Variants in ENAH observed in about 807,000 individuals in gnomAD.
ENAH encodes the protein ENAH actin regulator.
A neutral mutation model predicts 78.7 loss-of-function variants in ENAH; 23 were observed. The observed-to-expected ratio is 0.29, with a 90% CI of 0.21 to 0.41. The LOEUF is 0.41. ENAH is among the 10% of genes least tolerant of loss of function. The probability of loss-of-function intolerance (pLI) is 1.00; values close to 1 mark genes in which losing one functional copy is unlikely to be tolerated. For synonymous variants in ENAH, 226 were observed against 241.0 expected, an observed-to-expected ratio of 0.94 and a Z score of 0.58; for missense variants, 544 against 691.0, an observed-to-expected ratio of 0.79 and a Z score of 2.39.
intron 1 of ENAH, among the ~76,000 whole-genome samples, chr1:225,597,751 G>A (rs1194761673): frequency 6.6e-6 from 1 of 151,076 alleles, no homozygotes; most frequent in Non-Finnish European, 1.5e-5. Context: ...ACAAAAAAGA[G>A]TATTTTTCTT....
intron 1 of ENAH, among the ~76,000 whole-genome samples, chr1:225,636,624 G>A (rs1486023959): frequency 2.0e-5 from 3 of 152,138 alleles, no homozygotes; most frequent in Non-Finnish European, 4.4e-5. Context: ...TGGGAGGATC[G>A]TTAGAAGCCA....
chr1:225,512,876 G>A lies in ENAH; in HGVS notation c.1359C>T (p.Ala453=), dbSNP rs2096388218. Residue 453 remains alanine, a synonymous_variant, in exon 8 of 14, where the codon GCC becomes GCT. Transcript: ENST00000366843. ...ATTATAATGAAATTCCTTACCTCCT[G>A]GCCAGCAGGGCACTCATTTCTTCCA... ...GLMEEMSALL[A]RRRRIAEKGS... is the part of the protein sequence containing the mutation. 1 of 1,613,272 alleles carries A rather than the reference G, an allele frequency of 6.2e-7. No homozygotes were observed.
At chr1:225,531,567 C>T (rs1472718139) in intron 3 of ENAH, among the ~76,000 whole-genome samples, 5 of 152,068 alleles carry the variant, frequency 3.3e-5, no homozygotes, top group Non-Finnish European at 5.9e-5. Flanking sequence ...ATCTTCCACT[C>T]TTGGAGAAGA....
intron 1 of ENAH, among the ~76,000 whole-genome samples, chr1:225,579,664 C>T (rs939957656): frequency 1.4e-4 from 22 of 152,188 alleles, no homozygotes; most frequent in African/African-American, 4.8e-4. Context: ...TTTATTTAAA[C>T]TACTCCAACT....
In ENAH at chr1:225,537,822, C is replaced by G. The variant is rs555720639; in HGVS notation, c.350-7184G>C. Among the ~76,000 whole-genome samples, 3 of 151,622 alleles carry G rather than the reference C, an allele frequency of 2.0e-5. No individual in the cohort carries two copies. In the South Asian group the frequency reaches 6.3e-4, roughly 32 times the overall value. On this transcript the variant is annotated intron_variant, in intron 3 of 13. Coordinates refer to ENST00000366843, the MANE Select transcript of ENAH (RefSeq NM_018212.6). ...GCCTTTAACATACTTTACCATTAGGCGTTTTGTACAAGCAGGGAAATGTAG... is the reference window on the plus strand; with the variant it reads ...GCCTTTAACATACTTTACCATTAGGGGTTTTGTACAAGCAGGGAAATGTAG...
At chr1:225,556,748 G>A (rs1295766767) in intron 2 of ENAH, among the ~76,000 whole-genome samples, 1 of 152,022 alleles carries the variant, frequency 6.6e-6, no homozygotes, top group Non-Finnish European at 1.5e-5. Flanking sequence ...TTTAACAAAT[G>A]TTTCTCAATC....
chr1:225,531,858 TACTA>T (rs1481998295), intron 3 of ENAH, among the ~76,000 whole-genome samples: 2 of 152,092 alleles, frequency 1.3e-5, no homozygotes, highest in East Asian at 1.9e-4. Flanking sequence ...TGAACTTACC[TACTA>T]ACTTTTTTTC....
intron 1 of ENAH, among the ~76,000 whole-genome samples, chr1:225,634,011 T>C (rs1401149057): frequency 6.6e-6 from 1 of 152,238 alleles, no homozygotes; most frequent in African/African-American, 2.4e-5. Context: ...AACAATGAAG[T>C]ACCTCAACTT....
intron 11 of ENAH, among the ~76,000 whole-genome samples, chr1:225,506,146 G>A (rs1436762754): frequency 2.0e-5 from 3 of 152,094 alleles, no homozygotes; most frequent in East Asian, 1.9e-4. Flanking sequence ...TGCCATCAAC[G>A]TAGGCTTAGC....
chr1:225,517,315 G>A lies in ENAH; in HGVS notation c.803-9C>T. 1 of 1,551,768 alleles carries A rather than the reference G, an allele frequency of 6.4e-7. No homozygotes were observed. Among genetic ancestry groups the A allele is most frequent in the Non-Finnish European group, 8.7e-7 (1 of 1,147,024 alleles). On this transcript the variant is annotated splice_polypyrimidine_tract_variant and intron_variant, in intron 5 of 13. Coordinates refer to ENST00000366843, the MANE Select transcript of ENAH (RefSeq NM_018212.6). Reference sequence around the variant, plus strand: ...AACAGAGGCAGGGGCAGCTGCAGAGGGAGAAGGGAGAACACTAGGCTTGGA... The same window carrying A: ...AACAGAGGCAGGGGCAGCTGCAGAGAGAGAAGGGAGAACACTAGGCTTGGA...
intron 4 of ENAH, among the ~76,000 whole-genome samples, chr1:225,521,119 A>G (rs958473872): frequency 6.6e-6 from 1 of 152,138 alleles, no homozygotes. Context: ...CCATGAGTGC[A>G]TAATAATATT....
intron 1 of ENAH, among the ~76,000 whole-genome samples, chr1:225,578,324 A>T (rs1051245430): frequency 2.6e-5 from 4 of 152,042 alleles, no homozygotes; most frequent in African/African-American, 7.2e-5. Flanking sequence ...AAATAAAATA[A>T]ATTAGCCAGG....
chr1:225,517,422 T>A (rs2096429634), intron 5 of ENAH, 116 bp from the exon 6 acceptor site: 1 of 1,551,590 alleles, frequency 6.4e-7, no homozygotes, highest in Admixed American at 2.0e-5. Flanking sequence ...GGGAAGGCAG[T>A]GGAGGCGGCG....
At chr1:225,528,634 GT>G (rs1460192341) in intron 4 of ENAH, among the ~76,000 whole-genome samples, 1 of 152,096 alleles carries the variant, frequency 6.6e-6, no homozygotes, top group Admixed American at 6.5e-5. Flanking sequence ...CCATGACCAA[GT>G]AGAAAACTGA....
chr1:225,563,036 C>CTAATAAGGATAAATTTA (rs1264826880), intron 2 of ENAH, among the ~76,000 whole-genome samples: 5 of 151,038 alleles, frequency 3.3e-5, no homozygotes, highest in Admixed American at 3.3e-4. Flanking sequence ...TAGATTTATT[C>CTAATAAGGATAAATTTA]TTAGGGATGG....
chr1:225,546,958 A>G (rs576920524), intron 3 of ENAH, among the ~76,000 whole-genome samples: 2 of 152,326 alleles, frequency 1.3e-5, no homozygotes, highest in East Asian at 1.9e-4. Flanking sequence ...TGTTTCTCCC[A>G]AAGTACTGAT....
At chr1:225,524,162 T>C (rs1310215170) in intron 4 of ENAH, among the ~76,000 whole-genome samples, 1 of 152,192 alleles carries the variant, frequency 6.6e-6, no homozygotes, top group Non-Finnish European at 1.5e-5. Flanking sequence ...CCAAAACAGC[T>C]ATCCCCAAAT....
intron 1 of ENAH, among the ~76,000 whole-genome samples, chr1:225,572,236 C>T (rs146717197): frequency 5.3e-5 from 8 of 152,258 alleles, no homozygotes; most frequent in African/African-American, 1.7e-4. Flanking sequence ...CACATACTAA[C>T]TCCGATTACA....
rs33964064 is a variant in ENAH at position 225,495,456 on chromosome 1, GTTTTTTTTTTT to G, written c.*2308_*2318del. ...GGAAATATAGCATGATTCAACACTG[GTTTTTTTTTTT>G]TTTTTTTTTTGTCAGTTTACACATA... On this transcript the variant is annotated 3_prime_UTR_variant, in exon 14 of 14. Coordinates refer to ENST00000366843, the MANE Select transcript of ENAH (RefSeq NM_018212.6). 8.1e-5 allele frequency: 9 copies of G among 110,762 alleles called. No homozygotes were observed. Among genetic ancestry groups the G allele is most frequent in the African/African-American group, 2.8e-4 (8 of 28,482 alleles). The allele number at this position is 110,762 out of a possible 1,614,324, so 6.9% of individuals were successfully genotyped here.
Sources: gnomAD v4.1 joint callset for allele counts (sites outside exome capture counted in the v4.1 genomes callset) on GRCh38, gnomAD v4.1.1 for gene constraint, MANE v1.5 for transcripts, NCBI Gene and HGNC (gene_info 2026-07-23, HGNC 2026-07-21) for gene names.